Variants in LRP2 observed in about 807,000 individuals in gnomAD.
The protein encoded by LRP2 is low-density lipoprotein receptor-related protein 2.
Under a neutral mutation model 531.0 loss-of-function variants are expected in LRP2, and 172 were observed. The observed-to-expected ratio is 0.32, with a 90% CI of 0.29 to 0.37. The LOEUF (loss-of-function observed/expected upper bound fraction) is 0.37, where lower values mean the gene tolerates loss of function less well. Ranked by LOEUF, LRP2 falls within the 10% of genes least tolerant of loss-of-function variation. The pLI is 1.00. For missense variants in LRP2, 5,167 were observed against 5,868.3 expected (o/e 0.88, Z 3.90); for synonymous variants, 1,992 against 2,027.6 (o/e 0.98, Z 0.47).
At chr2:169,327,685 C>G (rs1685127130) in intron 1 of LRP2, among the ~76,000 whole-genome samples, 1 of 113,414 alleles carries the variant, frequency 8.8e-6, no homozygotes, top group Admixed American at 8.0e-5. Flanking sequence ...TCCCGGCCAG[C>G]CGACCCATCC....
At chr2:169,296,850 G>T (rs1684146500) in intron 4 of LRP2, among the ~76,000 whole-genome samples, 1 of 152,054 alleles carries the variant, frequency 6.6e-6, no homozygotes, top group Non-Finnish European at 1.5e-5. Context: ...CAACAAACAA[G>T]AAGCCCAGCT....
chr2:169,164,627 T>C (rs1298575009), intron 62 of LRP2, among the ~76,000 whole-genome samples: 2 of 152,190 alleles, frequency 1.3e-5, no homozygotes, highest in African/African-American at 4.8e-5. Flanking sequence ...CTTGAATGTG[T>C]CCCTGATGGC....
chr2:169,182,918 A>G (rs1559001001), intron 50 of LRP2, among the ~76,000 whole-genome samples: 1 of 152,230 alleles, frequency 6.6e-6, no homozygotes, highest in Admixed American at 6.5e-5. Flanking sequence ...TGCTACCTCA[A>G]GGACATTTCT....
intron 74 of LRP2, 89 bp downstream of exon 74, chr2:169,139,162 T>A (rs371227024): frequency 6.3e-7 from 1 of 1,595,218 alleles, no homozygotes; most frequent in African/African-American, 1.3e-5. Context: ...TTGTGCTTTT[T>A]TAACTTAGAA....
intron 3 of LRP2, 110 bp downstream of exon 3, chr2:169,318,652 G>A (rs1684830779): frequency 6.8e-7 from 1 of 1,468,230 alleles, no homozygotes; most frequent in Admixed American, 1.7e-5. Flanking sequence ...ATGATTTAAG[G>A]CCCTGCTCCA....
At position 169,273,202 on chromosome 2, in the gene LRP2, C is replaced by G; in HGVS notation, c.1976-135G>C. 3.2e-6 allele frequency: 3 copies of G among 930,736 alleles called. No individual in the cohort carries two copies. In the South Asian group the frequency reaches 4.2e-5, roughly 13 times the overall value. 57.7% of individuals were successfully genotyped at this position (930,736 alleles called of 1,614,324 possible). Reference sequence around the variant, plus strand: ...TAGCAACGTGTTGAAAACATTACTACTGGTTACTACTGGATACATCCACAT... The same window carrying G: ...TAGCAACGTGTTGAAAACATTACTAGTGGTTACTACTGGATACATCCACAT... On this transcript the variant is annotated intron_variant, in intron 14 of 78. Transcript: ENST00000649046.
chr2:169,165,912 C>G lies in LRP2; in HGVS notation c.11758+20G>C, dbSNP rs1686763850. 1 of 1,613,600 alleles carries G rather than the reference C, an allele frequency of 6.2e-7. No homozygotes were observed. The highest frequency in any genetic ancestry group is 1.3e-5 in the African/African-American group (1 of 74,894). ...CTTGGGGTCCTTCCTTTTTCCTTCT[C>G]CCTTTTGACTTTTGCTTACAGTGCT... On this transcript the variant is annotated intron_variant, in intron 62 of 78. Transcript: ENST00000649046.
At chr2:169,343,900 A>G (rs957758257) in intron 1 of LRP2, among the ~76,000 whole-genome samples, 1 of 152,172 alleles carries the variant, frequency 6.6e-6, no homozygotes, top group Non-Finnish European at 1.5e-5. Flanking sequence ...AGCCATAGAA[A>G]TTTTCTCTTT....
At chr2:169,214,158 G>A (rs1326279314) in intron 35 of LRP2, among the ~76,000 whole-genome samples, 1 of 152,070 alleles carries the variant, frequency 6.6e-6, no homozygotes, top group East Asian at 1.9e-4. Context: ...ACTAGTCCCT[G>A]CATGTGATAT....
At chr2:169,255,974 A>G (rs1399818408) in intron 19 of LRP2, 132 bp downstream of exon 19, 10 of 853,006 alleles carry the variant, frequency 1.2e-5, no homozygotes, top group Non-Finnish European at 1.9e-5. Context: ...AATATATAGC[A>G]CCATTTTAAA....
Position 169,211,908 on chromosome 2 carries a change from C to G in LRP2, c.6280+60G>C, listed in dbSNP as rs1232524418. 39 of 1,609,348 alleles carry G rather than the reference C, an allele frequency of 2.4e-5. No homozygotes were observed. In the East Asian group the frequency reaches 7.6e-4, roughly 31 times the overall value. ...ACATGAAGAAATGTTTTCATGGCACCAGGGATTTCAACCTGGTGCCAGATG... is the reference window on the plus strand; with the variant it reads ...ACATGAAGAAATGTTTTCATGGCACGAGGGATTTCAACCTGGTGCCAGATG... On this transcript the variant is annotated intron_variant, in intron 37 of 78. Coordinates refer to ENST00000649046, the MANE Select transcript of LRP2 (RefSeq NM_004525.3).
intron 9 of LRP2, among the ~76,000 whole-genome samples, chr2:169,285,153 TAAAAAAAAA>T (rs58043794): frequency 7.4e-6 from 1 of 134,648 alleles, no homozygotes; most frequent in Non-Finnish European, 1.6e-5. Context: ...TACTAAGAAT[TAAAAAAAAA>T]AAAAAAAAAA....
At chr2:169,229,820 C>G (rs2105366274) in intron 31 of LRP2, among the ~76,000 whole-genome samples, 1 of 152,236 alleles carries the variant, frequency 6.6e-6, no homozygotes, top group South Asian at 2.1e-4. Flanking sequence ...TTAACAGCAT[C>G]ACAGAAGCAC....
At chr2:169,314,237 AG>A (rs111277761) in intron 3 of LRP2, among the ~76,000 whole-genome samples, 1,492 of 138,040 alleles carry the variant, frequency 0.011, 32 homozygotes, top group African/African-American at 0.041. Flanking sequence ...ATATCTTAAA[AG>A]AAAAAAAAAA....
intron 9 of LRP2, among the ~76,000 whole-genome samples, chr2:169,285,490 A>G (rs921801286): frequency 3.9e-5 from 6 of 152,184 alleles, no homozygotes; most frequent in African/African-American, 1.4e-4. Flanking sequence ...ACAAAACACT[A>G]AAACACTACT....
At position 169,225,303 on chromosome 2, in the gene LRP2, T is replaced by C. The variant is rs748190255; in HGVS notation, c.5538+7A>G. The C allele has an allele frequency of 1.2e-6, 2 of 1,613,422 alleles. No homozygotes were observed. The highest frequency in any genetic ancestry group is 2.2e-5 in the South Asian group (2 of 91,078). Reference sequence around the variant, plus strand: ...TGTTTGTGTAAGTAGTATTATGGAATCATTACCTCGATTGACTGAGTTCTA... The same window carrying C: ...TGTTTGTGTAAGTAGTATTATGGAACCATTACCTCGATTGACTGAGTTCTA... On this transcript the variant is annotated splice_region_variant and intron_variant, in intron 33 of 78. Coordinates refer to ENST00000649046, the MANE Select transcript of LRP2 (RefSeq NM_004525.3).
In LRP2 at chr2:169,318,702, C is replaced by A. The variant is rs531028375; in HGVS notation, c.310+60G>T. 80 of 1,611,866 alleles carry A rather than the reference C, an allele frequency of 5.0e-5. No homozygotes were observed. The Middle Eastern group carries it at 6.6e-4, about 13-fold the overall frequency. ...CATCCCATTGTGTGTAACTTCTTTGCGACAGGTTGGGTTTTAGGTGTCCAC... is the reference window on the plus strand; with the variant it reads ...CATCCCATTGTGTGTAACTTCTTTGAGACAGGTTGGGTTTTAGGTGTCCAC... On this transcript the variant is annotated intron_variant, in intron 3 of 78. Transcript: ENST00000649046.
intron 1 of LRP2, among the ~76,000 whole-genome samples, chr2:169,329,803 G>A (rs757722405): frequency 1.3e-5 from 2 of 152,140 alleles, no homozygotes; most frequent in Non-Finnish European, 2.9e-5. Context: ...GGCAAACTAC[G>A]AACAGGTTCC....
At chr2:169,205,836 C>T (rs1402320256) in intron 40 of LRP2, among the ~76,000 whole-genome samples, 187 bp downstream of exon 40, 6 of 152,074 alleles carry the variant, frequency 3.9e-5, no homozygotes, top group Non-Finnish European at 8.8e-5. Flanking sequence ...AACCTTTCTG[C>T]CATCAAAGGG....
Sources: allele counts gnomAD v4.1 joint callset (sites outside exome capture counted in the v4.1 genomes callset), GRCh38; gene constraint gnomAD v4.1.1; transcripts MANE v1.5; gene names NCBI Gene and HGNC (gene_info 2026-07-23, HGNC 2026-07-21).